Variants in MLLT3 observed in about 807,000 individuals in gnomAD.
The protein encoded by MLLT3 is MLLT3 super elongation complex subunit.
In MLLT3, 4 loss-of-function variants were observed where a neutral mutation model predicts 53.2. That is an observed-to-expected ratio of 0.08 (90% CI 0.04 to 0.17). The LOEUF is 0.17. Ranked by LOEUF, MLLT3 falls within the 10% of genes least tolerant of loss-of-function variation. MLLT3 has a pLI of 1.00. For missense variants in MLLT3, 569 were observed against 684.0 expected (o/e 0.83, Z 1.87); for synonymous variants, 283 against 230.6 (o/e 1.23, Z -2.06).
At chr9:20,409,447 T>C (rs1344900773) in intron 5 of MLLT3, among the ~76,000 whole-genome samples, 2 of 152,200 alleles carry the variant, frequency 1.3e-5, no homozygotes, top group African/African-American at 4.8e-5. Context: ...TTAAGCAGGT[T>C]AATAAAAAAT....
chr9:20,504,773 C>A (rs1416894017), intron 2 of MLLT3, among the ~76,000 whole-genome samples: 2 of 151,998 alleles, frequency 1.3e-5, no homozygotes, highest in Non-Finnish European at 2.9e-5. Context: ...TGAGATAATG[C>A]ATATGTTAAT....
At chr9:20,362,087 T>C (rs1036757753) in intron 7 of MLLT3, among the ~76,000 whole-genome samples, 1 of 152,224 alleles carries the variant, frequency 6.6e-6, no homozygotes, top group Non-Finnish European at 1.5e-5. Flanking sequence ...TTTAAACTGA[T>C]TAAACAGTTG....
chr9:20,456,927 C>T (rs948990882), intron 2 of MLLT3, 141 bp from the exon 3 acceptor site: 9 of 601,306 alleles, frequency 1.5e-5, no homozygotes, highest in Admixed American at 3.5e-5. Context: ...GTTGAGTCTC[C>T]GATCTATCCT....
chr9:20,400,115 TG>T (rs1822418245), intron 5 of MLLT3, among the ~76,000 whole-genome samples: 1 of 151,868 alleles, frequency 6.6e-6, no homozygotes, highest in South Asian at 2.1e-4. Flanking sequence ...TGAGATGGTC[TG>T]GCCCAGAAAA....
At chr9:20,403,799 A>T (rs1456031125) in intron 5 of MLLT3, among the ~76,000 whole-genome samples, 1 of 152,170 alleles carries the variant, frequency 6.6e-6, no homozygotes, top group Non-Finnish European at 1.5e-5. Context: ...TATCTTGAGT[A>T]GAATTGATCA....
intron 5 of MLLT3, among the ~76,000 whole-genome samples, chr9:20,375,554 A>C (rs1424798935): frequency 6.6e-6 from 1 of 151,758 alleles, no homozygotes; most frequent in African/African-American, 2.4e-5. Context: ...AATCAATATT[A>C]CAATGAATCC....
chr9:20,342,177 T>A lies in MLLT3; in HGVS notation c.*4266A>T, dbSNP rs1347291346. The A allele has an allele frequency of 9.2e-6, 2 of 217,094 alleles. No homozygotes were observed. Among genetic ancestry groups the A allele is most frequent in the Non-Finnish European group, 1.9e-5 (2 of 107,914 alleles). 13.4% of individuals were successfully genotyped at this position (217,094 alleles called of 1,614,324 possible). ...CTTTGGTCAAATGACTCTCAGCAAA[T>A]CAGTACAATTATACATTTTAAAAAA... On this transcript the variant is annotated 3_prime_UTR_variant, in exon 11 of 11. Transcript: ENST00000380338.
In MLLT3 at chr9:20,343,246, A is replaced by T. The variant is rs1303031795; in HGVS notation, c.*3197T>A. 5.3e-6 allele frequency: 1 copy of T among 190,312 alleles called. No homozygotes were observed. Among genetic ancestry groups the T allele is most frequent in the East Asian group, 8.8e-5 (1 of 11,420 alleles). 11.8% of individuals were successfully genotyped at this position (190,312 alleles called of 1,614,324 possible). On this transcript the variant is annotated 3_prime_UTR_variant, in exon 11 of 11. Transcript: ENST00000380338. ...AGAAACTTTTTAGTGGAAGAAAACC[A>T]ATATTACTGGCTCTTTCCACCAAAA...
chr9:20,543,990 A>G (rs561198687), intron 2 of MLLT3, among the ~76,000 whole-genome samples: 2 of 152,322 alleles, frequency 1.3e-5, no homozygotes, highest in South Asian at 2.1e-4. Context: ...ACTGTGTAGT[A>G]CTGTCCTAAA....
chr9:20,573,903 C>G (rs1332992623), intron 2 of MLLT3, among the ~76,000 whole-genome samples: 2 of 152,154 alleles, frequency 1.3e-5, no homozygotes, highest in Non-Finnish European at 2.9e-5. Context: ...AAGTTACTTG[C>G]TCAAAAATAA....
intron 4 of MLLT3, among the ~76,000 whole-genome samples, chr9:20,442,146 A>G (rs993624995): frequency 6.6e-6 from 1 of 152,208 alleles, no homozygotes; most frequent in Non-Finnish European, 1.5e-5. Flanking sequence ...GTTGCTCACC[A>G]TCACTCATGA....
At chr9:20,472,530 G>C (rs1025436985) in intron 2 of MLLT3, among the ~76,000 whole-genome samples, 1 of 151,972 alleles carries the variant, frequency 6.6e-6, no homozygotes, top group African/African-American at 2.4e-5. Context: ...CTACCACTGG[G>C]GGTTGGGCAT....
intron 2 of MLLT3, among the ~76,000 whole-genome samples, chr9:20,588,722 T>C (rs961760175): frequency 6.6e-6 from 1 of 152,216 alleles, no homozygotes; most frequent in African/African-American, 2.4e-5. Context: ...AAGTTGCTTA[T>C]CAGCTTAAGG....
intron 2 of MLLT3, among the ~76,000 whole-genome samples, chr9:20,506,767 C>CT (rs1229151682): frequency 6.6e-6 from 1 of 152,140 alleles, no homozygotes; most frequent in African/African-American, 2.4e-5. Context: ...AGTGTTCTTA[C>CT]TTTTACACTA....
chr9:20,402,641 T>C (rs1822484128), intron 5 of MLLT3, among the ~76,000 whole-genome samples: 1 of 152,202 alleles, frequency 6.6e-6, no homozygotes, highest in African/African-American at 2.4e-5. Context: ...AAATGTGTCA[T>C]TTTCCGTTTT....
At chr9:20,507,143 A>T (rs1825402715) in intron 2 of MLLT3, among the ~76,000 whole-genome samples, 1 of 152,218 alleles carries the variant, frequency 6.6e-6, no homozygotes, top group South Asian at 2.1e-4. Flanking sequence ...ACTGTTTCTT[A>T]AAACATCACT....
At position 20,342,389 on chromosome 9, in the gene MLLT3, T is replaced by C. The variant is rs529885440; in HGVS notation, c.*4054A>G. 1.3e-5 allele frequency: 3 copies of C among 223,552 alleles called. No individual in the cohort carries two copies. Among genetic ancestry groups the C allele is most frequent in the East Asian group, 1.3e-4 (2 of 15,334 alleles). 13.8% of individuals were successfully genotyped at this position (223,552 alleles called of 1,614,324 possible). A position where few individuals can be genotyped will look rare whatever the true frequency, so the allele number is the denominator to read the frequency against. On this transcript the variant is annotated 3_prime_UTR_variant, in exon 11 of 11. Transcript: ENST00000380338. ...ACACATACACAGTCCATTAAAAAGA[T>C]ACTGACAGATTTATAAAATGTATTG...
At chr9:20,397,432 A>G (rs1409485890) in intron 5 of MLLT3, among the ~76,000 whole-genome samples, 2 of 152,136 alleles carry the variant, frequency 1.3e-5, no homozygotes, top group Non-Finnish European at 2.9e-5. Context: ...GGCAAGAGTG[A>G]GTATGCTTTT....
In MLLT3 at chr9:20,459,035, A is replaced by G. The variant is rs1222672319; in HGVS notation, c.194-2249T>C. Among the ~76,000 whole-genome samples, 3 of 151,946 alleles carry G rather than the reference A, an allele frequency of 2.0e-5. No individual in the cohort carries two copies. In the East Asian group the frequency reaches 5.8e-4, roughly 29 times the overall value. Reference sequence around the variant, plus strand: ...GCCTACATTTTCTCTCCCTTTAAAGAAGAGGAAACACCATCTACACAACTG... The same window carrying G: ...GCCTACATTTTCTCTCCCTTTAAAGGAGAGGAAACACCATCTACACAACTG... On this transcript the variant is annotated intron_variant, in intron 2 of 10. Transcript: ENST00000380338.
Sources: gnomAD v4.1 joint callset for allele counts (sites outside exome capture counted in the v4.1 genomes callset) on GRCh38, gnomAD v4.1.1 for gene constraint, MANE v1.5 for transcripts, NCBI Gene and HGNC (gene_info 2026-07-23, HGNC 2026-07-21) for gene names.